Variants in TENM3 observed in about 807,000 individuals in gnomAD.
TENM3 encodes the protein teneurin transmembrane protein 3, also known as teneurin-3.
In TENM3, 63 loss-of-function variants were observed where a neutral mutation model predicts 255.1. The observed-to-expected ratio is 0.25, with a 90% confidence interval of 0.20 to 0.30. TENM3 has a LOEUF of 0.30. TENM3 is among the 10% of genes least tolerant of loss of function. The pLI is 1.00. For synonymous variants in TENM3, 1,306 were observed against 1,322.3 expected (o/e 0.99, Z 0.27); for missense variants, 2,929 against 3,461.1 (o/e 0.85, Z 3.86).
intron 16 of TENM3, among the ~76,000 whole-genome samples, chr4:182,733,356 G>C (rs760208397): frequency 6.6e-6 from 1 of 152,208 alleles, no homozygotes; most frequent in Non-Finnish European, 1.5e-5. Flanking sequence ...GCCATTGAAG[G>C]TGTTTAAGCA....
chr4:181,863,594 C>A, the TENM3 span, among the ~76,000 whole-genome samples: 1 of 152,068 alleles, frequency 6.6e-6, no homozygotes, highest in Non-Finnish European at 1.5e-5. Context: ...GTTACCTGCC[C>A]TTTACACTCG....
the TENM3 span, among the ~76,000 whole-genome samples, chr4:181,951,431 G>T: frequency 8.5e-5 from 13 of 152,322 alleles, no homozygotes; most frequent in East Asian, 2.5e-3. Flanking sequence ...CAACCTACTG[G>T]TTTTTACATG....
At chr4:181,985,915 AC>A in the TENM3 span, among the ~76,000 whole-genome samples, 1 of 151,904 alleles carries the variant, frequency 6.6e-6, no homozygotes, top group African/African-American at 2.4e-5. Context: ...AGTTACCTGC[AC>A]CCTTTTTCCC....
rs1166279907 is a variant in TENM3 at position 182,780,330 on chromosome 4, T to C, written c.5304+5177T>C. 7.8e-5 allele frequency among the ~76,000 whole-genome samples: 10 copies of C among 128,534 alleles called. No individual in the cohort carries two copies. The East Asian group carries it at 2.0e-3, about 26-fold the overall frequency. The allele number at this position is 128,534 out of a possible 152,430, so 84.3% of individuals were successfully genotyped here. ...AATGGGGAATCCTTTCCCCATTGCT[T>C]GTTTTTCTCAGGTTTGTCAAAGATC... On this transcript the variant is annotated intron_variant, in intron 24 of 27. Transcript: ENST00000511685.
chr4:181,525,619 C>T, the TENM3 span, among the ~76,000 whole-genome samples: 2 of 152,016 alleles, frequency 1.3e-5, no homozygotes, highest in East Asian at 1.9e-4. Context: ...CTGTAATAAC[C>T]CTTTGCCTGT....
intron 1 of TENM3, among the ~76,000 whole-genome samples, chr4:182,292,338 T>C (rs1346257231): frequency 1.3e-5 from 2 of 152,120 alleles, no homozygotes; most frequent in Non-Finnish European, 2.9e-5. Context: ...ATTTTCTATG[T>C]AAAATTCACC....
chr4:182,433,592 TC>T (rs1267622003), intron 3 of TENM3, among the ~76,000 whole-genome samples: 1 of 152,132 alleles, frequency 6.6e-6, no homozygotes, highest in Admixed American at 6.6e-5. Context: ...AAAAATCACT[TC>T]GTCAAGTGCA....
the TENM3 span, among the ~76,000 whole-genome samples, chr4:181,839,560 T>C: frequency 2.0e-5 from 3 of 149,678 alleles, no homozygotes; most frequent in African/African-American, 4.9e-5. Context: ...AAATTAGCCT[T>C]GTTGAGGGTG....
chr4:182,258,113 G>A (rs963836867), intron 1 of TENM3, among the ~76,000 whole-genome samples: 5 of 151,746 alleles, frequency 3.3e-5, no homozygotes, highest in Admixed American at 6.6e-5. Flanking sequence ...AAATAAATAC[G>A]TAAAGTATAT....
chr4:182,399,461 G>A (rs754455152), intron 3 of TENM3, among the ~76,000 whole-genome samples: 38 of 152,148 alleles, frequency 2.5e-4, no homozygotes, highest in Non-Finnish European at 2.8e-4. Context: ...GTAGTACACT[G>A]CTTAACTGGG....
At chr4:181,947,442 G>A in the TENM3 span, among the ~76,000 whole-genome samples, 6 of 152,030 alleles carry the variant, frequency 3.9e-5, no homozygotes, top group Middle Eastern at 3.2e-3. Context: ...CTATGTGAGC[G>A]CTGGTATTTC....
At chr4:181,619,409 C>T in the TENM3 span, among the ~76,000 whole-genome samples, 1 of 151,958 alleles carries the variant, frequency 6.6e-6, no homozygotes, top group African/African-American at 2.4e-5. Context: ...ACTTAATACC[C>T]ATTTTTAAAT....
chr4:182,690,335 A>G (rs949209882), intron 12 of TENM3, among the ~76,000 whole-genome samples: 1 of 152,234 alleles, frequency 6.6e-6, no homozygotes, highest in Non-Finnish European at 1.5e-5. Flanking sequence ...CATGTGAACT[A>G]CATTAAGGCA....
chr4:182,563,872 T>G (rs1380808978), intron 3 of TENM3, among the ~76,000 whole-genome samples: 2 of 152,220 alleles, frequency 1.3e-5, no homozygotes, highest in African/African-American at 4.8e-5. Flanking sequence ...TTTTTATTGA[T>G]TATTCTTTTG....
the TENM3 span, among the ~76,000 whole-genome samples, chr4:181,530,818 T>C: frequency 6.6e-6 from 1 of 152,210 alleles, no homozygotes; most frequent in African/African-American, 2.4e-5. Flanking sequence ...TGCATGTGCA[T>C]GTATGTACGT....
chr4:182,262,064 G>T (rs544124969), intron 1 of TENM3, among the ~76,000 whole-genome samples: 1 of 152,272 alleles, frequency 6.6e-6, no homozygotes, highest in Non-Finnish European at 1.5e-5. Context: ...AGAAAGGCAG[G>T]AGGCATGAGC....
intron 12 of TENM3, among the ~76,000 whole-genome samples, chr4:182,688,998 A>G (rs34013558): frequency 0.11 from 16,119 of 152,282 alleles, 1,147 homozygotes; most frequent in South Asian, 0.14. Flanking sequence ...ACATTAGTAT[A>G]TAAACAATAT....
At chr4:182,491,054 G>A (rs1735251369) in intron 3 of TENM3, among the ~76,000 whole-genome samples, 1 of 152,138 alleles carries the variant, frequency 6.6e-6, no homozygotes, top group African/African-American at 2.4e-5. Flanking sequence ...TTATTTTCCT[G>A]AACTCAGTTT....
At chr4:182,020,516 T>C in the TENM3 span, among the ~76,000 whole-genome samples, 1 of 152,072 alleles carries the variant, frequency 6.6e-6, no homozygotes. Flanking sequence ...TTAACAATAA[T>C]ATACCATTTC....
Sources: allele counts gnomAD v4.1 joint callset (sites outside exome capture counted in the v4.1 genomes callset), GRCh38; gene constraint gnomAD v4.1.1; transcripts MANE v1.5; gene names NCBI Gene and HGNC (gene_info 2026-07-23, HGNC 2026-07-21).